Variants in DYM observed in about 807,000 individuals in gnomAD.
DYM encodes dyggve-Melchior-Clausen syndrome protein.
DYM carries 78 observed loss-of-function variants against 93.1 expected under a neutral mutation model. That is an observed-to-expected ratio of 0.84 (90% CI 0.70 to 1.01). The LOEUF (loss-of-function observed/expected upper bound fraction) is 1.01, where lower values mean the gene tolerates loss of function less well. Among genes scored for constraint, DYM ranks in the 50% least tolerant of loss-of-function variants. DYM has a pLI of 0.00. For synonymous variants in DYM, 321 were observed against 319.7 expected, an observed-to-expected ratio of 1.00 and a Z score of -0.04; for missense variants, 789 against 845.0, an observed-to-expected ratio of 0.93 and a Z score of 0.82.
chr18:49,199,171 T>C (rs572657519), intron 14 of DYM, among the ~76,000 whole-genome samples: 23 of 151,988 alleles, frequency 1.5e-4, no homozygotes, highest in African/African-American at 5.1e-4. Flanking sequence ...AGGTGGGAAA[T>C]GAACAATGAG....
intron 5 of DYM, 25 bp downstream of exon 5, chr18:49,378,542 G>A: frequency 3.1e-6 from 5 of 1,592,034 alleles, no homozygotes; most frequent in Non-Finnish European, 4.3e-6. Flanking sequence ...GATATATCCA[G>A]AACATCTTTA....
intron 17 of DYM, among the ~76,000 whole-genome samples, chr18:49,091,141 C>T (rs187002577): frequency 5.5e-4 from 83 of 152,250 alleles, no homozygotes; most frequent in African/African-American, 2.0e-3. Context: ...GTTGGTATCC[C>T]TCTCTTTCTC....
chr18:49,395,071 T>C (rs1055680902), intron 2 of DYM, among the ~76,000 whole-genome samples: 3 of 152,170 alleles, frequency 2.0e-5, no homozygotes, highest in Non-Finnish European at 2.9e-5. Context: ...TTCAGCACAT[T>C]GGTCTGGGCA....
At position 49,039,453 on chromosome 18, in the gene DYM, G is replaced by C. The variant is rs2070822654; in HGVS notation, c.*4602C>G. On this transcript the variant is annotated 3_prime_UTR_variant, in exon 18 of 18. Coordinates refer to ENST00000675505, the MANE Select transcript of DYM (RefSeq NM_001353214.3). ...GAATTTTTGGTGTGATATCTTTCAT[G>C]AGTTTTGGAAAAGTTCTCAGCCATT... Among the ~76,000 whole-genome samples the C allele has an allele frequency of 6.6e-6, 1 of 152,090 alleles. No individual in the cohort carries two copies. The highest frequency in any genetic ancestry group is 2.4e-5 in the African/African-American group (1 of 41,414).
At chr18:49,076,981 G>A (rs2077361425) in intron 17 of DYM, among the ~76,000 whole-genome samples, 1 of 152,130 alleles carries the variant, frequency 6.6e-6, no homozygotes, top group Non-Finnish European at 1.5e-5. Context: ...AACATATGGT[G>A]CCCTGCACAA....
intron 8 of DYM, among the ~76,000 whole-genome samples, chr18:49,326,038 T>A (rs1383500568): frequency 2.6e-5 from 4 of 152,222 alleles, no homozygotes; most frequent in African/African-American, 9.6e-5. Flanking sequence ...GGTGCTGAAA[T>A]GACTCGGATA....
intron 15 of DYM, among the ~76,000 whole-genome samples, chr18:49,157,507 T>C (rs990766754): frequency 1.3e-5 from 2 of 152,174 alleles, no homozygotes; most frequent in African/African-American, 4.8e-5. Flanking sequence ...GCCATCATAG[T>C]ACAGAAAAGG....
chr18:49,169,731 C>A (rs1366545917), intron 14 of DYM, among the ~76,000 whole-genome samples: 1 of 152,120 alleles, frequency 6.6e-6, no homozygotes. Flanking sequence ...GCTCCTAGAA[C>A]CGAAGGTTGA....
rs116228862 is a variant in DYM at position 49,224,267 on chromosome 18, C to T, written c.1461-14552G>A. ...TGGGAAAGGGCAAGATTTCCATTTT[C>T]GACATGCTGAGTTTGAGATGTCTCT... On this transcript the variant is annotated intron_variant, in intron 13 of 17. Transcript: ENST00000675505. Among the ~76,000 whole-genome samples, 475 of 152,070 alleles carry T rather than the reference C, an allele frequency of 3.1e-3. 5 individuals are homozygous for T. The highest frequency in any genetic ancestry group is 0.011 in the African/African-American group (440 of 41,480).
At chr18:49,341,898 T>G (rs2064188899) in intron 6 of DYM, among the ~76,000 whole-genome samples, 1 of 152,224 alleles carries the variant, frequency 6.6e-6, no homozygotes, top group African/African-American at 2.4e-5. Flanking sequence ...TTTGAGAAGC[T>G]GAATATGTTC....
chr18:49,078,502 A>G (rs1369418562), intron 17 of DYM, among the ~76,000 whole-genome samples: 2 of 152,144 alleles, frequency 1.3e-5, no homozygotes, highest in African/African-American at 4.8e-5. Context: ...ATACATCTAC[A>G]TAGATTATAA....
At chr18:49,289,006 T>C (rs1156253115) in intron 8 of DYM, among the ~76,000 whole-genome samples, 2 of 152,084 alleles carry the variant, frequency 1.3e-5, no homozygotes, top group Admixed American at 6.5e-5. Context: ...TATAAAGCTA[T>C]AGTCATGTAA....
chr18:49,158,559 C>A (rs1006550969), intron 15 of DYM, among the ~76,000 whole-genome samples: 2 of 152,162 alleles, frequency 1.3e-5, no homozygotes, highest in Non-Finnish European at 2.9e-5. Flanking sequence ...AAATTACCTA[C>A]CCCAGCCTTT....
intron 6 of DYM, among the ~76,000 whole-genome samples, chr18:49,362,205 G>A (rs1018927411): frequency 5.3e-5 from 8 of 152,044 alleles, no homozygotes; most frequent in African/African-American, 1.7e-4. Flanking sequence ...TGCTTTAAAA[G>A]TAACAAATGA....
At chr18:49,393,798 A>G (rs1223431159) in intron 2 of DYM, 1 of 152,028 alleles carries the variant, frequency 6.6e-6, no homozygotes, top group Non-Finnish European at 1.5e-5. Context: ...AAAATAAATA[A>G]ATAAAAATAA....
chr18:49,305,795 ACT>A (rs35513494), intron 8 of DYM, among the ~76,000 whole-genome samples: 42,651 of 151,804 alleles, frequency 0.28, 6,020 homozygotes, highest in Middle Eastern at 0.36. Context: ...TTCTGCCTAT[ACT>A]CTGACTTCCT....
intron 10 of DYM, among the ~76,000 whole-genome samples, chr18:49,273,307 G>T (rs1254599675): frequency 6.6e-6 from 1 of 152,170 alleles, no homozygotes; most frequent in African/African-American, 2.4e-5. Flanking sequence ...AGCAGTCATT[G>T]CTCTGTCTCT....
chr18:49,351,989 G>A (rs2065154898), intron 6 of DYM, among the ~76,000 whole-genome samples: 1 of 152,116 alleles, frequency 6.6e-6, no homozygotes, highest in African/African-American at 2.4e-5. Flanking sequence ...GTGTCAATGA[G>A]GGTAGTCCCA....
Position 49,097,392 on chromosome 18 carries a change from G to A in DYM, c.2025+10C>T. 1 of 1,612,950 alleles carries A rather than the reference G, an allele frequency of 6.2e-7. No homozygotes were observed. Among genetic ancestry groups the A allele is most frequent in the African/African-American group, 1.3e-5 (1 of 74,998 alleles). Reference sequence around the variant, plus strand: ...GCAGTGTCAAGTGGACATTTCTTTAGCCTTCTTACCTTCAGTCTGTCTTTG... The same window carrying A: ...GCAGTGTCAAGTGGACATTTCTTTAACCTTCTTACCTTCAGTCTGTCTTTG... On this transcript the variant is annotated intron_variant, in intron 17 of 17. Transcript: ENST00000675505.
Sources: gnomAD v4.1 joint callset for allele counts (sites outside exome capture counted in the v4.1 genomes callset) on GRCh38, gnomAD v4.1.1 for gene constraint, MANE v1.5 for transcripts, NCBI Gene and HGNC (gene_info 2026-07-23, HGNC 2026-07-21) for gene names.